OR52N4: variants seen among roughly 807,000 people sequenced by gnomAD.
The protein encoded by OR52N4 is olfactory receptor 52N4.
OR52N4 carries 15 observed loss-of-function variants against 15.0 expected under a neutral mutation model. That is an observed-to-expected ratio of 1.00 (90% CI 0.67 to 1.54). The LOEUF (loss-of-function observed/expected upper bound fraction) is 1.54, where lower values mean the gene tolerates loss of function less well. Among genes scored for constraint, OR52N4 ranks in the 40% most tolerant of loss-of-function variants. The pLI, the probability that OR52N4 is intolerant of heterozygous loss-of-function variation, is 0.00. For synonymous variants in OR52N4, 143 were observed against 143.7 expected (o/e 1.00, Z 0.03); for missense variants, 421 against 394.0 (o/e 1.07, Z -0.58).
chr11:5,755,795 C>CT lies in OR52N4; in HGVS notation c.*90dup. 7.0e-7 allele frequency: 1 copy of CT among 1,422,384 alleles called. No homozygotes were observed. Among genetic ancestry groups the CT allele is most frequent in the Non-Finnish European group, 9.4e-7 (1 of 1,061,808 alleles). 88.1% of individuals were successfully genotyped at this position (1,422,384 alleles called of 1,614,324 possible). The stretch of plus-strand genomic sequence containing the variant: ...AGTTCATAAAATCTTTCTGGAAGCA[C>CT]TGTATTGATCACAAAATGGAGTTTG... On this transcript the variant is annotated 3_prime_UTR_variant, in exon 2 of 2. Transcript: ENST00000641350.
the OR52N4 span, among the ~76,000 whole-genome samples, chr11:5,744,385 C>G: frequency 6.6e-6 from 1 of 152,142 alleles, no homozygotes; most frequent in African/African-American, 2.4e-5. Context: ...GATTCCAAAG[C>G]CGGGTAAGGA....
At chr11:5,729,495 T>C in the OR52N4 span, among the ~76,000 whole-genome samples, 1 of 152,166 alleles carries the variant, frequency 6.6e-6, no homozygotes, top group Non-Finnish European at 1.5e-5. Flanking sequence ...TACTTTTGTG[T>C]TCTCCAAATT....
chr11:5,742,313 T>G, the OR52N4 span, among the ~76,000 whole-genome samples: 1 of 152,220 alleles, frequency 6.6e-6, no homozygotes, highest in East Asian at 1.9e-4. Flanking sequence ...AGGAAATAAT[T>G]AGGAAAATTT....
chr11:5,733,928 A>C, the OR52N4 span, among the ~76,000 whole-genome samples: 215 of 152,262 alleles, frequency 1.4e-3, no homozygotes, highest in African/African-American at 5.1e-3. Context: ...CTTAGGTTAC[A>C]TTAATAGGAT....
upstream of OR52N4, among the ~76,000 whole-genome samples, chr11:5,750,451 T>C (rs1196084814): frequency 6.6e-6 from 1 of 150,722 alleles, no homozygotes; most frequent in East Asian, 1.9e-4. Context: ...AAGCAATGTA[T>C]AGCCCAAAAC....
At chr11:5,733,035 A>G in the OR52N4 span, among the ~76,000 whole-genome samples, 3 of 152,150 alleles carry the variant, frequency 2.0e-5, no homozygotes, top group Non-Finnish European at 2.9e-5. Context: ...CCATTTCTCT[A>G]TATCTTCATA....
At chr11:5,743,884 G>A in the OR52N4 span, among the ~76,000 whole-genome samples, 1 of 151,956 alleles carries the variant, frequency 6.6e-6, no homozygotes, top group East Asian at 1.9e-4. Flanking sequence ...ACAAATATCA[G>A]AGAAGAGATA....
At chr11:5,747,983 G>A in the OR52N4 span, among the ~76,000 whole-genome samples, 1 of 151,836 alleles carries the variant, frequency 6.6e-6, no homozygotes, top group East Asian at 1.9e-4. Flanking sequence ...GAAAATATCA[G>A]GTAAGAAATG....
At chr11:5,741,260 G>A in the OR52N4 span, among the ~76,000 whole-genome samples, 3 of 152,126 alleles carry the variant, frequency 2.0e-5, no homozygotes, top group African/African-American at 7.2e-5. Flanking sequence ...TAATCAAGAG[G>A]ATAAGATCTT....
At chr11:5,736,523 C>A in the OR52N4 span, 7 of 1,613,126 alleles carry the variant, frequency 4.3e-6, no homozygotes, top group Non-Finnish European at 5.9e-6. Context: ...AATCATGAAT[C>A]ATATGTCTGC....
At chr11:5,731,664 T>C in the OR52N4 span, among the ~76,000 whole-genome samples, 2,322 of 152,258 alleles carry the variant, frequency 0.015, 62 homozygotes, top group African/African-American at 0.053. Flanking sequence ...CTAAGGTTAA[T>C]TGACAGGTAC....
At chr11:5,737,072 T>A in the OR52N4 span, 4 of 1,614,114 alleles carry the variant, frequency 2.5e-6, no homozygotes, top group Non-Finnish European at 1.7e-6. Flanking sequence ...AATTGAACAC[T>A]GCCTGTGCTC....
the OR52N4 span, among the ~76,000 whole-genome samples, chr11:5,729,206 G>A: frequency 3.0e-5 from 4 of 134,942 alleles, no homozygotes; most frequent in African/African-American, 8.4e-5. Flanking sequence ...TACCAGCTCC[G>A]CCTCCCAGGC....
the OR52N4 span, among the ~76,000 whole-genome samples, chr11:5,740,903 CAG>C: frequency 2.4e-5 from 3 of 127,372 alleles, 1 homozygote; most frequent in Admixed American, 7.5e-5. Flanking sequence ...CTTAACAAGA[CAG>C]AACTATTATA....
At chr11:5,752,068 T>A (rs1018912749), upstream of OR52N4, among the ~76,000 whole-genome samples, 2 of 152,178 alleles carry the variant, frequency 1.3e-5, no homozygotes, top group East Asian at 1.9e-4. Flanking sequence ...CAGTGCGATA[T>A]GAGTAGGAAA....
the OR52N4 span, among the ~76,000 whole-genome samples, chr11:5,748,711 A>G: frequency 1.3e-5 from 2 of 152,058 alleles, no homozygotes; most frequent in Non-Finnish European, 2.9e-5. Context: ...AAAATGGATT[A>G]GTTTATGAAT....
the OR52N4 span, among the ~76,000 whole-genome samples, chr11:5,728,538 G>T: frequency 6.6e-6 from 1 of 152,088 alleles, no homozygotes; most frequent in Non-Finnish European, 1.5e-5. Flanking sequence ...TCAATTTTGA[G>T]TTCGCCAATA....
chr11:5,736,508 T>A, the OR52N4 span: 7 of 1,612,036 alleles, frequency 4.3e-6, no homozygotes, highest in African/African-American at 9.3e-5. Context: ...TTGAAATTCA[T>A]GTTGAATCAT....
the OR52N4 span, among the ~76,000 whole-genome samples, chr11:5,740,493 C>T: frequency 6.1e-4 from 78 of 127,338 alleles, 16 homozygotes; most frequent in African/African-American, 2.0e-3. Flanking sequence ...GTAACAACAG[C>T]GGGGGAGTAC....
Sources: gnomAD v4.1 joint callset for allele counts (sites outside exome capture counted in the v4.1 genomes callset) on GRCh38, gnomAD v4.1.1 for gene constraint, MANE v1.5 for transcripts, NCBI Gene and HGNC (gene_info 2026-07-23, HGNC 2026-07-21) for gene names.